Variants in BRAF observed in about 807,000 individuals in gnomAD.
The protein encoded by BRAF is serine/threonine-protein kinase B-raf.
BRAF carries 16 observed loss-of-function variants against 104.6 expected under a neutral mutation model. The ratio of observed to expected loss-of-function variants is 0.15; its 90% CI spans 0.10 to 0.23. BRAF has a LOEUF of 0.23. Among genes scored for constraint, BRAF ranks in the 10% least tolerant of loss-of-function variants. The pLI, the probability that BRAF is intolerant of heterozygous loss-of-function variation, is 1.00. For synonymous variants in BRAF, 310 were observed against 341.6 expected (o/e 0.91, Z 1.02); for missense variants, 541 against 937.3 (o/e 0.58, Z 5.52).
intron 1 of BRAF, chr7:140,884,043 T>C (rs138169900): frequency 1.3e-5 from 2 of 152,262 alleles, no homozygotes; most frequent in Non-Finnish European, 2.9e-5. Context: ...AGAACGGCCA[T>C]CTACAGTAGA....
intron 14 of BRAF, among the ~76,000 whole-genome samples, chr7:140,771,484 G>A (rs1310059448): frequency 2.0e-5 from 3 of 152,082 alleles, no homozygotes; most frequent in Non-Finnish European, 2.9e-5. Flanking sequence ...GTGAGCCACC[G>A]TGTCCAGACT....
chr7:140,894,288 GAAC>G (rs1259257665), intron 1 of BRAF, among the ~76,000 whole-genome samples: 2 of 152,272 alleles, frequency 1.3e-5, no homozygotes, highest in African/African-American at 4.8e-5. Context: ...AGAAAAAACA[GAAC>G]TACTTGATAG....
At chr7:140,915,993 CAAACA>C (rs889062281) in intron 1 of BRAF, among the ~76,000 whole-genome samples, 4 of 146,138 alleles carry the variant, frequency 2.7e-5, no homozygotes, top group African/African-American at 5.3e-5. Context: ...AACAAACAAA[CAAACA>C]AAAAAAACCC....
intron 8 of BRAF, among the ~76,000 whole-genome samples, chr7:140,788,385 T>C (rs943746516): frequency 6.6e-6 from 1 of 152,178 alleles, no homozygotes; most frequent in Non-Finnish European, 1.5e-5. Context: ...TGACATATTT[T>C]GGTTAAGAAA....
chr7:140,885,603 T>C (rs1210699829), intron 1 of BRAF, among the ~76,000 whole-genome samples: 2 of 152,236 alleles, frequency 1.3e-5, no homozygotes, highest in African/African-American at 4.8e-5. Flanking sequence ...AAGGTCTGTG[T>C]TACAATGTAG....
chr7:140,865,736 G>A (rs1810895544), intron 1 of BRAF, among the ~76,000 whole-genome samples: 1 of 152,196 alleles, frequency 6.6e-6, no homozygotes, highest in South Asian at 2.1e-4. Context: ...TGATTTAGGA[G>A]TTTGATGATC....
At chr7:140,890,027 G>T (rs1343044322) in intron 1 of BRAF, among the ~76,000 whole-genome samples, 1 of 152,152 alleles carries the variant, frequency 6.6e-6, no homozygotes, top group Non-Finnish European at 1.5e-5. Flanking sequence ...TTATGGTAAG[G>T]CATAGCAGTT....
chr7:140,829,967 T>C (rs1010231593), intron 3 of BRAF, among the ~76,000 whole-genome samples: 2 of 152,248 alleles, frequency 1.3e-5, no homozygotes, highest in African/African-American at 4.8e-5. Flanking sequence ...TTCTCATATT[T>C]GCCCACTTTA....
rs1332206135 is a variant in BRAF at position 140,720,370 on chromosome 7, A to T, written c.*6124T>A. ...AATGAAGGCAGGAGAAGGGGACAGC[A>T]CAGAGACATACACCCCTGTATGTAA... On this transcript the variant is annotated 3_prime_UTR_variant, in exon 20 of 20. Coordinates refer to ENST00000644969, the MANE Select transcript of BRAF (RefSeq NM_001374258.1). 2.8e-6 allele frequency: 3 copies of T among 1,062,274 alleles called. No individual in the cohort carries two copies. Among genetic ancestry groups the T allele is most frequent in the African/African-American group, 1.6e-5 (1 of 60,928 alleles). The allele number at this position is 1,062,274 out of a possible 1,614,324, so 65.8% of individuals were successfully genotyped here.
At chr7:140,863,821 CAGA>C (rs965608114) in intron 1 of BRAF, among the ~76,000 whole-genome samples, 3 of 152,178 alleles carry the variant, frequency 2.0e-5, no homozygotes, top group Non-Finnish European at 4.4e-5. Context: ...GAGGCCTCCC[CAGA>C]AGGTGAGCAG....
In BRAF at chr7:140,724,532, A is replaced by C. The variant is rs1795495054; in HGVS notation, c.*1962T>G. The C allele has an allele frequency of 1.9e-6, 2 of 1,045,532 alleles. No homozygotes were observed. Among genetic ancestry groups the C allele is most frequent in the Non-Finnish European group, 1.2e-6 (1 of 866,824 alleles). The allele number at this position is 1,045,532 out of a possible 1,614,324, so 64.8% of individuals were successfully genotyped here. On this transcript the variant is annotated 3_prime_UTR_variant, in exon 20 of 20. Transcript: ENST00000644969. ...AAACTTAAAAACAAATTTGCTTTTC[A>C]AACTGATTAATAACTTAAGGATCTT...
chr7:140,797,194 A>T (rs1802579897), intron 7 of BRAF, among the ~76,000 whole-genome samples: 1 of 152,222 alleles, frequency 6.6e-6, no homozygotes, highest in South Asian at 2.1e-4. Context: ...ACCCTTCAGC[A>T]AATTACCAGT....
chr7:140,885,510 T>G (rs1324914247), intron 1 of BRAF, among the ~76,000 whole-genome samples: 1 of 152,170 alleles, frequency 6.6e-6, no homozygotes, highest in Non-Finnish European at 1.5e-5. Flanking sequence ...CTCAAGGGCC[T>G]TATTAGGGTT....
chr7:140,908,990 T>C (rs1353066757), intron 1 of BRAF, among the ~76,000 whole-genome samples: 6 of 78,670 alleles, frequency 7.6e-5, no homozygotes, highest in Non-Finnish European at 1.1e-4. Context: ...CTACGTTTTC[T>C]TTTTTTTTTT....
At chr7:140,765,160 C>CT (rs1799182125) in intron 14 of BRAF, among the ~76,000 whole-genome samples, 1 of 152,122 alleles carries the variant, frequency 6.6e-6, no homozygotes, top group Admixed American at 6.5e-5. Flanking sequence ...CTACAACTAT[C>CT]TGATCTTTGA....
intron 14 of BRAF, 142 bp downstream of exon 13, chr7:140,776,770 A>G: frequency 1.3e-6 from 1 of 782,290 alleles, no homozygotes; most frequent in Non-Finnish European, 2.2e-6. Context: ...GTATCATATT[A>G]TTTACCAGCC....
At chr7:140,743,905 T>C (rs1797141626) in intron 17 of BRAF, among the ~76,000 whole-genome samples, 1 of 152,212 alleles carries the variant, frequency 6.6e-6, no homozygotes, top group African/African-American at 2.4e-5. Context: ...AATTGAAATG[T>C]CAGCTGAGCT....
chr7:140,859,071 A>C (rs1029316060), intron 1 of BRAF, among the ~76,000 whole-genome samples: 2 of 152,224 alleles, frequency 1.3e-5, no homozygotes, highest in Non-Finnish European at 2.9e-5. Context: ...GATGCTTCTC[A>C]TGATAGTAAC....
Position 140,746,304 on chromosome 7 carries a change from A to G in BRAF, c.2112+2983T>C, listed in dbSNP as rs1003551636. Among the ~76,000 whole-genome samples, 4 of 152,310 alleles carry G rather than the reference A, an allele frequency of 2.6e-5. No individual in the cohort carries two copies. In the East Asian group the frequency reaches 7.7e-4, roughly 29 times the overall value. On this transcript the variant is annotated intron_variant, in intron 17 of 19. Coordinates refer to ENST00000644969, the MANE Select transcript of BRAF (RefSeq NM_001374258.1). ...AGCACATTATTAATCCCAATTTACA[A>G]GAGAAAATGCACTGAAGGAGGGAAG... is the stretch of plus-strand genomic sequence containing the variant.
Sources: gnomAD v4.1 joint callset for allele counts (sites outside exome capture counted in the v4.1 genomes callset) on GRCh38, gnomAD v4.1.1 for gene constraint, MANE v1.5 for transcripts, NCBI Gene and HGNC (gene_info 2026-07-23, HGNC 2026-07-21) for gene names.